Variants in TNFAIP8 observed in about 807,000 individuals in gnomAD.
TNFAIP8 encodes the protein tumor necrosis factor alpha-induced protein 8.
Under a neutral mutation model 13.3 loss-of-function variants are expected in TNFAIP8, and 7 were observed. That is an observed-to-expected ratio of 0.52 (90% CI 0.30 to 0.99). The LOEUF (loss-of-function observed/expected upper bound fraction) is 0.99. TNFAIP8 is among the 50% of genes least tolerant of loss of function. TNFAIP8 has a pLI of 0.07. For missense variants in TNFAIP8, 258 were observed against 236.9 expected (o/e 1.09, Z -0.58); for synonymous variants, 94 against 87.6 (o/e 1.07, Z -0.41).
intron 1 of TNFAIP8, among the ~76,000 whole-genome samples, chr5:119,305,918 C>T (rs917465168): frequency 6.6e-6 from 1 of 152,222 alleles, no homozygotes; most frequent in African/African-American, 2.4e-5. Flanking sequence ...AGGGTTCCCA[C>T]TTACCTGTGC....
upstream of TNFAIP8, chr5:119,355,603 A>G (rs1751364036): frequency 3.6e-6 from 2 of 563,072 alleles, no homozygotes. Context: ...ATGTAATCCA[A>G]AAATACAGAG....
chr5:119,305,965 A>C (rs1749538764), intron 1 of TNFAIP8, among the ~76,000 whole-genome samples: 1 of 152,174 alleles, frequency 6.6e-6, no homozygotes, highest in Admixed American at 6.5e-5. Flanking sequence ...GCCACCCTCC[A>C]GTGTTGCGTG....
intron 1 of TNFAIP8, among the ~76,000 whole-genome samples, chr5:119,273,047 A>G (rs1232781388): frequency 3.9e-5 from 6 of 152,374 alleles, no homozygotes; most frequent in East Asian, 3.9e-4. Flanking sequence ...TTGGGAATAA[A>G]GATGACTTTA....
At chr5:119,379,258 C>T (rs919785477) in intron 1 of TNFAIP8, among the ~76,000 whole-genome samples, 7 of 152,044 alleles carry the variant, frequency 4.6e-5, no homozygotes, top group South Asian at 2.1e-4. Context: ...GTTTAGTGCA[C>T]CCCATGCTAG....
At chr5:119,319,322 T>G (rs1749986792) in intron 1 of TNFAIP8, among the ~76,000 whole-genome samples, 1 of 152,200 alleles carries the variant, frequency 6.6e-6, no homozygotes, top group South Asian at 2.1e-4. Context: ...TATGTAAACA[T>G]TTAGGTTTTT....
chr5:119,271,572 A>G (rs1466035913), intron 1 of TNFAIP8, among the ~76,000 whole-genome samples: 1 of 152,212 alleles, frequency 6.6e-6, no homozygotes, highest in African/African-American at 2.4e-5. Context: ...AGCAGTGATG[A>G]TAAATAAGGG....
chr5:119,399,071 T>C lies in TNFAIP8; in HGVS notation c.*5690T>C, dbSNP rs1230665039. ...CAGCATTATTGCTCTTTTCGAATCATATGGACTTAGTGTTCTCATGACCGA... is the reference window on the plus strand; with the variant it reads ...CAGCATTATTGCTCTTTTCGAATCACATGGACTTAGTGTTCTCATGACCGA... On this transcript the variant is annotated 3_prime_UTR_variant, in exon 2 of 2. Coordinates refer to ENST00000504771, the MANE Select transcript of TNFAIP8 (RefSeq NM_014350.4). 1.3e-5 allele frequency: 2 copies of C among 152,270 alleles called. No individual in the cohort carries two copies. The highest frequency in any genetic ancestry group is 4.8e-5 in the African/African-American group (2 of 41,478). 9.4% of individuals were successfully genotyped at this position (152,270 alleles called of 1,614,324 possible).
At chr5:119,274,241 A>G (rs902550671) in intron 1 of TNFAIP8, among the ~76,000 whole-genome samples, 1 of 152,242 alleles carries the variant, frequency 6.6e-6, no homozygotes, top group African/African-American at 2.4e-5. Context: ...TGTTGGCAAC[A>G]GTGCAAGTTT....
rs916384754 is a variant in TNFAIP8, at chr5:119,356,080, A to G, written c.-11A>G. 1.3e-5 allele frequency: 20 copies of G among 1,583,668 alleles called. No homozygotes were observed. The African/African-American group carries it at 2.3e-4, about 18-fold the overall frequency. On this transcript the variant is annotated 5_prime_UTR_variant, in exon 1 of 2. Transcript: ENST00000504771. Reference sequence around the variant, plus strand: ...GCGGTAATCGCCCCTGCAGCTGGTTATCCTGACATTATGCACTCCGAAGCA... The same window carrying G: ...GCGGTAATCGCCCCTGCAGCTGGTTGTCCTGACATTATGCACTCCGAAGCA...
intron 1 of TNFAIP8, among the ~76,000 whole-genome samples, chr5:119,294,982 T>A (rs987401495): frequency 9.9e-5 from 15 of 152,084 alleles, no homozygotes; most frequent in Admixed American, 7.9e-4. Context: ...TTTCTCCCAT[T>A]CTGTAGGTTG....
chr5:119,327,912 C>T (rs1256984224), intron 1 of TNFAIP8, among the ~76,000 whole-genome samples: 1 of 152,096 alleles, frequency 6.6e-6, no homozygotes, highest in Non-Finnish European at 1.5e-5. Flanking sequence ...ATGTCCAACT[C>T]TAAGCTGTTA....
At chr5:119,290,033 A>G (rs1017155981) in intron 1 of TNFAIP8, among the ~76,000 whole-genome samples, 2 of 152,262 alleles carry the variant, frequency 1.3e-5, no homozygotes, top group African/African-American at 4.8e-5. Flanking sequence ...ATGTCTTACT[A>G]AAGCATGCAG....
At chr5:119,381,345 A>G (rs867034495) in intron 1 of TNFAIP8, among the ~76,000 whole-genome samples, 18 of 152,154 alleles carry the variant, frequency 1.2e-4, no homozygotes, top group Admixed American at 2.0e-4. Context: ...GTTCAAGACC[A>G]TCGTAGGCAA....
chr5:119,286,626 A>C (rs1019264409), intron 1 of TNFAIP8, among the ~76,000 whole-genome samples: 1 of 151,778 alleles, frequency 6.6e-6, no homozygotes. Context: ...CCTCTCAAAA[A>C]AAAAAAAAAA....
At chr5:119,313,745 T>C (rs928604913) in intron 1 of TNFAIP8, among the ~76,000 whole-genome samples, 4 of 152,224 alleles carry the variant, frequency 2.6e-5, no homozygotes, top group Non-Finnish European at 5.9e-5. Context: ...TTTTATTTGG[T>C]ACATATAAAC....
At chr5:119,300,347 T>A (rs1030600845) in intron 1 of TNFAIP8, among the ~76,000 whole-genome samples, 2 of 152,230 alleles carry the variant, frequency 1.3e-5, no homozygotes, top group African/African-American at 4.8e-5. Context: ...CGTATTCTCT[T>A]TAAGTGTGGT....
At chr5:119,324,805 G>T (rs11956285) in intron 1 of TNFAIP8, among the ~76,000 whole-genome samples, 14,356 of 151,560 alleles carry the variant, frequency 0.095, 781 homozygotes, top group African/African-American at 0.16. Flanking sequence ...CATTCCAGGC[G>T]CTTTTCTGTG....
At chr5:119,283,652 C>T (rs1748698376) in intron 1 of TNFAIP8, among the ~76,000 whole-genome samples, 1 of 152,100 alleles carries the variant, frequency 6.6e-6, no homozygotes, top group Non-Finnish European at 1.5e-5. Context: ...GCTCTTACTC[C>T]CTCCTTTTCT....
chr5:119,316,747 A>G (rs898002971), intron 1 of TNFAIP8, among the ~76,000 whole-genome samples: 5 of 152,202 alleles, frequency 3.3e-5, no homozygotes, highest in South Asian at 2.1e-4. Flanking sequence ...TGCTTCCAAC[A>G]TGTAGCCAAT....
Sources: gnomAD v4.1 joint callset for allele counts (sites outside exome capture counted in the v4.1 genomes callset) on GRCh38, gnomAD v4.1.1 for gene constraint, MANE v1.5 for transcripts, NCBI Gene and HGNC (gene_info 2026-07-23, HGNC 2026-07-21) for gene names.